The following GMDS variants were observed in gnomAD, a reference collection of about 807,000 sequenced individuals.
GMDS encodes GDP-mannose 4,6 dehydratase.
A neutral mutation model predicts 49.9 loss-of-function variants in GMDS; 20 were observed. The observed-to-expected ratio is 0.40, with a 90% CI of 0.28 to 0.58. The LOEUF is 0.58. Ranked by LOEUF, GMDS falls within the 20% of genes least tolerant of loss-of-function variation. The pLI is 0.42. For missense variants in GMDS, 362 were observed against 481.4 expected (o/e 0.75, Z 2.32); for synonymous variants, 177 against 178.6 (o/e 0.99, Z 0.07).
chr6:1,641,429 C>T (rs1763326509), intron 9 of GMDS, among the ~76,000 whole-genome samples: 1 of 152,266 alleles, frequency 6.6e-6, no homozygotes, highest in Non-Finnish European at 1.5e-5. Context: ...GCTTTATCTT[C>T]TTCCTGTCAA....
At chr6:2,135,344 C>T (rs1328910509) in intron 1 of GMDS, among the ~76,000 whole-genome samples, 2 of 152,020 alleles carry the variant, frequency 1.3e-5, no homozygotes, top group African/African-American at 4.8e-5. Flanking sequence ...TTTGTGTATC[C>T]GTGAGTGAGT....
Position 1,960,797 on chromosome 6 carries a change from G to A in GMDS, c.515C>T (p.Pro172Leu), listed in dbSNP as rs2127297131. Residue 172 changes from proline (P) to leucine (L), a missense_variant, in exon 5 of 11, where the codon CCT (proline) becomes CTT (leucine). Transcript: ENST00000380815. The stretch of plus-strand genomic sequence containing the variant: ...ACCATAGGGTGACCGGGGATAGAAA[G>A]GGGTGGTCTCCTTCTGGGGTATTTC... Reference protein sequence around the residue: ...VQEIPQKETTPFYPRSPYGAA... With the variant: ...VQEIPQKETTLFYPRSPYGAA... The A allele has an allele frequency of 6.2e-7, 1 of 1,602,806 alleles. No homozygotes were observed. Among genetic ancestry groups the A allele is most frequent in the Non-Finnish European group, 8.5e-7 (1 of 1,171,252 alleles).
chr6:1,865,931 C>T (rs1758421677), intron 7 of GMDS, among the ~76,000 whole-genome samples: 1 of 152,188 alleles, frequency 6.6e-6, no homozygotes, highest in Admixed American at 6.5e-5. Context: ...CCCAGCCCCA[C>T]ACCCTACCAA....
chr6:2,242,593 T>G (rs543069172), intron 1 of GMDS, among the ~76,000 whole-genome samples: 72 of 152,336 alleles, frequency 4.7e-4, no homozygotes, highest in African/African-American at 1.4e-3. Context: ...GCAGTGGCAT[T>G]TGAATCTGAA....
chr6:2,230,249 T>A (rs1224050584), intron 1 of GMDS, among the ~76,000 whole-genome samples: 2 of 152,242 alleles, frequency 1.3e-5, no homozygotes, highest in Non-Finnish European at 2.9e-5. Context: ...TTTTGACTGA[T>A]GAAAACTAAA....
At chr6:1,801,095 C>T (rs1387822925) in intron 7 of GMDS, among the ~76,000 whole-genome samples, 2 of 152,118 alleles carry the variant, frequency 1.3e-5, no homozygotes, top group East Asian at 3.9e-4. Context: ...CCCTGGAGCC[C>T]GGACCATGAG....
intron 1 of GMDS, among the ~76,000 whole-genome samples, chr6:2,128,419 C>A (rs1031527595): frequency 6.6e-6 from 1 of 152,122 alleles, no homozygotes. Flanking sequence ...AGGTGATCCA[C>A]CTGCCTCAGC....
intron 1 of GMDS, among the ~76,000 whole-genome samples, chr6:2,166,446 T>C (rs780763480): frequency 6.6e-6 from 1 of 152,176 alleles, no homozygotes; most frequent in African/African-American, 2.4e-5. Context: ...CAAAACAGCA[T>C]GTAAGAATAT....
chr6:1,937,936 G>A (rs949491870), intron 6 of GMDS, among the ~76,000 whole-genome samples: 1 of 152,184 alleles, frequency 6.6e-6, no homozygotes, highest in Non-Finnish European at 1.5e-5. Flanking sequence ...ACATTGGGAG[G>A]TGGGAGGATC....
At chr6:1,659,871 A>G (rs965619081) in intron 9 of GMDS, among the ~76,000 whole-genome samples, 2 of 152,042 alleles carry the variant, frequency 1.3e-5, no homozygotes, top group African/African-American at 2.4e-5. Context: ...TTAAAAAAAA[A>G]AGAAAGAGTA....
At chr6:2,125,999 CAG>C (rs1287097551) in intron 1 of GMDS, among the ~76,000 whole-genome samples, 1 of 152,132 alleles carries the variant, frequency 6.6e-6, no homozygotes, top group Non-Finnish European at 1.5e-5. Flanking sequence ...TGACAAAATA[CAG>C]AGATTCTCAA....
chr6:2,070,134 T>C (rs1771895144), intron 4 of GMDS, among the ~76,000 whole-genome samples: 1 of 151,322 alleles, frequency 6.6e-6, no homozygotes. Flanking sequence ...TGGATGAAAT[T>C]GGAAATCATC....
At chr6:2,129,514 T>C (rs1775621998) in intron 1 of GMDS, among the ~76,000 whole-genome samples, 1 of 152,214 alleles carries the variant, frequency 6.6e-6, no homozygotes, top group African/African-American at 2.4e-5. Context: ...GTCATGGTAC[T>C]GGGCTAAAGA....
rs76899867 is a variant in GMDS at position 1,766,759 on chromosome 6, A to G, written c.772-24173T>C. Among the ~76,000 whole-genome samples, 3,619 of 152,282 alleles carry G rather than the reference A, an allele frequency of 0.024. 149 individuals are homozygous for G. Among genetic ancestry groups the G allele is most frequent in the African/African-American group, 0.082 (3,421 of 41,538 alleles). On this transcript the variant is annotated intron_variant, in intron 7 of 10. Transcript: ENST00000380815. This position sits in a 1 kb window ranked among gnomAD's most constrained non-coding sequence, Gnocchi z 4.5. ...TACACGGAGGAGCTGCACATCGAAC[A>G]TGCTAAAAACTGCGTTATGTTTTTT...
At chr6:1,837,321 T>C (rs1304623493) in intron 7 of GMDS, among the ~76,000 whole-genome samples, 1 of 152,182 alleles carries the variant, frequency 6.6e-6, no homozygotes, top group African/African-American at 2.4e-5. Context: ...GGAAGGGACA[T>C]AGCCGGTTCT....
At chr6:1,782,972 AGT>A in intron 7 of GMDS, among the ~76,000 whole-genome samples, 1 of 151,938 alleles carries the variant, frequency 6.6e-6, no homozygotes, top group Non-Finnish European at 1.5e-5. Flanking sequence ...TGGGCAACAT[AGT>A]GGGACTCCAT....
chr6:2,094,182 G>A (rs1773469218), intron 4 of GMDS, among the ~76,000 whole-genome samples: 1 of 152,176 alleles, frequency 6.6e-6, no homozygotes, highest in African/African-American at 2.4e-5. Context: ...TGACAGTGAG[G>A]CAGACACACA....
chr6:1,738,425 T>C (rs769778592), intron 8 of GMDS, among the ~76,000 whole-genome samples: 1 of 152,254 alleles, frequency 6.6e-6, no homozygotes, highest in Non-Finnish European at 1.5e-5. Context: ...ACTCAAGTGA[T>C]GTCAAAGACT....
intron 9 of GMDS, among the ~76,000 whole-genome samples, chr6:1,679,013 C>A (rs1265867710): frequency 6.6e-6 from 1 of 152,196 alleles, no homozygotes; most frequent in East Asian, 1.9e-4. Flanking sequence ...TGAAACGACA[C>A]TAGACAAAAC....
Sources: allele counts gnomAD v4.1 joint callset (sites outside exome capture counted in the v4.1 genomes callset), GRCh38; gene constraint gnomAD v4.1.1; non-coding constraint Gnocchi (gnomAD v3.1); transcripts MANE v1.5; gene names NCBI Gene and HGNC (gene_info 2026-07-23, HGNC 2026-07-21).